The following UAP1 variants were observed in gnomAD, a reference collection of about 807,000 sequenced individuals.
The protein encoded by UAP1 is UDP-N-acetylglucosamine pyrophosphorylase 1, also known as UDP-N-acetylhexosamine pyrophosphorylase.
Under a neutral mutation model 58.5 loss-of-function variants are expected in UAP1, and 25 were observed. The ratio of observed to expected loss-of-function variants is 0.43; its 90% confidence interval spans 0.31 to 0.60. The LOEUF is 0.60. Ranked by LOEUF, UAP1 falls within the 20% of genes least tolerant of loss-of-function variation. The probability of loss-of-function intolerance (pLI) is 0.11; values close to 1 mark genes in which losing one functional copy is unlikely to be tolerated. For missense variants in UAP1, 575 were observed against 630.0 expected (o/e 0.91, Z 0.93); for synonymous variants, 208 against 213.0 (o/e 0.98, Z 0.21).
chr1:162,563,620 C>T (rs561710904), intron 1 of UAP1, among the ~76,000 whole-genome samples: 258 of 152,298 alleles, frequency 1.7e-3, no homozygotes, highest in Non-Finnish European at 6.5e-4. Flanking sequence ...GCCTCGGCCT[C>T]CCAAAGTACT....
chr1:162,579,740 T>A, intron 4 of UAP1, 137 bp downstream of exon 4: 2 of 792,354 alleles, frequency 2.5e-6, no homozygotes, highest in Non-Finnish European at 3.7e-6. Flanking sequence ...TGGAAATGAT[T>A]TAAAAAGATG....
At chr1:162,578,237 T>TGTCCCCGAGCAGCAGCCTTTG (rs1557970899) in intron 3 of UAP1, among the ~76,000 whole-genome samples, 1 of 152,180 alleles carries the variant, frequency 6.6e-6, no homozygotes, top group Non-Finnish European at 1.5e-5. Flanking sequence ...TACTAGTTTC[T>TGTCCCCGAGCAGCAGCCTTTG]GTCCCCGAGC....
chr1:162,597,463 T>C lies in UAP1; in HGVS notation c.1410-329T>C, dbSNP rs78666587. 6.6e-3 allele frequency: 1,730 copies of C among 260,238 alleles called. 23 individuals are homozygous for C. Among genetic ancestry groups the C allele is most frequent in the African/African-American group, 0.036 (1,625 of 44,596 alleles). 16.1% of individuals were successfully genotyped at this position (260,238 alleles called of 1,614,324 possible). A position where few individuals can be genotyped will look rare whatever the true frequency, so the allele number is the denominator to read the frequency against. On this transcript the variant is annotated intron_variant, in intron 9 of 10. Transcript: ENST00000271469. ...GGCTTGGCATATAGTATATACCTAG[T>C]AAGTAGTCACCTTTTTATCAAATTG...
intron 5 of UAP1, among the ~76,000 whole-genome samples, chr1:162,584,449 G>A (rs1291361267): frequency 6.6e-6 from 1 of 152,086 alleles, no homozygotes; most frequent in Non-Finnish European, 1.5e-5. Flanking sequence ...TTCATACTGT[G>A]GTAGTAGAAT....
intron 8 of UAP1, among the ~76,000 whole-genome samples, chr1:162,591,213 CTGG>C (rs1655292539): frequency 2.0e-5 from 3 of 151,954 alleles, no homozygotes; most frequent in Non-Finnish European, 4.4e-5. Flanking sequence ...GTGTGAGCCA[CTGG>C]GCCCGGCTGA....
chr1:162,587,880 T>C, intron 6 of UAP1: 1 of 471,800 alleles, frequency 2.1e-6, no homozygotes, highest in Non-Finnish European at 3.7e-6. Flanking sequence ...CCCCAGCGCA[T>C]TAATGGGAGG....
intron 7 of UAP1, among the ~76,000 whole-genome samples, chr1:162,589,380 T>G (rs1655161005): frequency 6.8e-6 from 1 of 147,546 alleles, no homozygotes; most frequent in Admixed American, 7.1e-5. Flanking sequence ...CTCAAACTTG[T>G]GGCCTCAAGC....
chr1:162,597,386 G>A (rs1393879976), intron 9 of UAP1: 1 of 160,060 alleles, frequency 6.2e-6, no homozygotes, highest in African/African-American at 2.4e-5. Context: ...TAGTACCAAG[G>A]TAGTGGTGAA....
At chr1:162,592,843 C>A in intron 9 of UAP1, 61 bp downstream of exon 9, 1 of 1,434,990 alleles carries the variant, frequency 7.0e-7, no homozygotes, top group Non-Finnish European at 9.6e-7. Flanking sequence ...TCCATACTAA[C>A]TGGCATCGTA....
At chr1:162,581,330 T>C in exon 5 of UAP1, 1 of 1,613,812 alleles carries the variant, frequency 6.2e-7, no homozygotes, top group Non-Finnish European at 8.5e-7. Flanking sequence ...CCCAGAATAT[T>C]GTGGAGGATA....
At chr1:162,597,711 G>T (rs947353041) in intron 9 of UAP1, 81 bp from the exon 10 acceptor site, 15 of 1,140,370 alleles carry the variant, frequency 1.3e-5, no homozygotes, top group Non-Finnish European at 1.8e-5. Flanking sequence ...GCTTCTCAGA[G>T]GAAAGTTATG....
intron 10 of UAP1, 44 bp downstream of exon 10, chr1:162,597,902 G>T (rs375091827): frequency 2.6e-5 from 39 of 1,515,300 alleles, no homozygotes; most frequent in South Asian, 4.7e-5. Flanking sequence ...ACAAAGCTTT[G>T]TATATTTCAA....
chr1:162,590,467 C>T, exon 8 of UAP1: 2 of 1,606,876 alleles, frequency 1.2e-6, no homozygotes, highest in Admixed American at 1.7e-5. Context: ...ATGCAGGGGG[C>T]CATTTCATAG....
chr1:162,589,202 TATTTAAA>T (rs1413762577), intron 7 of UAP1, among the ~76,000 whole-genome samples: 6 of 45,290 alleles, frequency 1.3e-4, no homozygotes, highest in East Asian at 6.1e-4. Flanking sequence ...TTATATATTA[TATTTAAA>T]TATATATAAT....
Position 162,579,717 on chromosome 1 carries a change from G to GT in UAP1, c.661+120dup. ...GATATTTAAACATTAATATATATGT[G>GT]TTTTTTGCAGCTTGGAAATGATTTA... is the stretch of plus-strand genomic sequence containing the variant. On this transcript the variant is annotated intron_variant, in intron 4 of 10. Coordinates refer to ENST00000271469, the Ensembl canonical transcript of UAP1. 6.5e-6 allele frequency: 6 copies of GT among 922,898 alleles called. No individual in the cohort carries two copies. The South Asian group carries it at 9.1e-5, about 14-fold the overall frequency. 57.2% of individuals were successfully genotyped at this position (922,898 alleles called of 1,614,324 possible).
chr1:162,588,908 C>T (rs2101816744), intron 7 of UAP1, 75 bp downstream of exon 7: 1 of 1,442,058 alleles, frequency 6.9e-7, no homozygotes. Context: ...AGGCATGAAA[C>T]TGTTTTCAGG....
In UAP1 at chr1:162,590,419, G is replaced by A. The variant is rs61743694; in HGVS notation, c.1266G>A (p.Arg422=). ...GGAAAGACAACCCTACTACTGCAAGGCATGCTTTGATGTCCCTTCATCATT... is the reference window on the plus strand; with the variant it reads ...GGAAAGACAACCCTACTACTGCAAGACATGCTTTGATGTCCCTTCATCATT... The change falls in exon 8 of 11, where the codon AGG becomes AGA. Residue 422 remains arginine (R), a synonymous_variant. Transcript: ENST00000271469. The A allele has an allele frequency of 4.8e-3, 7,760 of 1,613,472 alleles. 295 individuals carry two copies. The African/African-American group carries it at 0.085, about 18-fold the overall frequency.
downstream of UAP1, chr1:162,599,972 A>G (rs1328049923): frequency 1.3e-5 from 2 of 152,206 alleles, no homozygotes; most frequent in Non-Finnish European, 2.9e-5. Flanking sequence ...GTGAATATCT[A>G]ACTTTGGGCT....
chr1:162,564,382 A>G (rs944171208), intron 1 of UAP1, among the ~76,000 whole-genome samples: 3 of 152,216 alleles, frequency 2.0e-5, no homozygotes, highest in African/African-American at 4.8e-5. Flanking sequence ...TGTGCTCTGA[A>G]CTACCATGTG....
Sources: gnomAD v4.1 joint callset for allele counts (sites outside exome capture counted in the v4.1 genomes callset) on GRCh38, gnomAD v4.1.1 for gene constraint, MANE v1.5 for transcripts, NCBI Gene and HGNC (gene_info 2026-07-23, HGNC 2026-07-21) for gene names.